Variants in DCC observed in about 807,000 individuals in gnomAD.
The protein encoded by DCC is netrin receptor DCC.
DCC carries 58 observed loss-of-function variants against 172.5 expected under a neutral mutation model. The observed-to-expected ratio is 0.34, with a 90% CI of 0.27 to 0.42. The LOEUF (loss-of-function observed/expected upper bound fraction) is 0.42, where lower values mean the gene tolerates loss of function less well. Ranked by LOEUF, DCC falls within the 10% of genes least tolerant of loss-of-function variation. The probability of loss-of-function intolerance (pLI) is 1.00; values close to 1 mark genes in which losing one functional copy is unlikely to be tolerated. For missense variants in DCC, 1,740 were observed against 1,791.0 expected (o/e 0.97, Z 0.51); for synonymous variants, 709 against 644.5 (o/e 1.10, Z -1.52).
Position 53,535,580 on chromosome 18 carries a change from AT to A in DCC, c.*4933del, listed in dbSNP as rs981430760. ...TTAACTAGCCTTAGTGAGAAAAGAA[AT>A]TTTTTGTTGTTACAAAACACCTTTT... On this transcript the variant is annotated 3_prime_UTR_variant, in exon 29 of 29. Transcript: ENST00000442544. 13 of 152,216 alleles carry A rather than the reference AT, an allele frequency of 8.5e-5. No homozygotes were observed. The highest frequency in any genetic ancestry group is 5.9e-4 in the Admixed American group (9 of 15,288). The allele number at this position is 152,216 out of a possible 1,614,324, so 9.4% of individuals were successfully genotyped here.
At chr18:52,475,309 A>T (rs1989061703) in intron 1 of DCC, among the ~76,000 whole-genome samples, 1 of 152,202 alleles carries the variant, frequency 6.6e-6, no homozygotes, top group South Asian at 2.1e-4. Context: ...TATGAAAATA[A>T]CTACTTGTAA....
intron 13 of DCC, among the ~76,000 whole-genome samples, chr18:53,308,854 C>T (rs999068439): frequency 6.6e-6 from 1 of 151,844 alleles, no homozygotes; most frequent in African/African-American, 2.4e-5. Context: ...AGAAGTCTGA[C>T]ATTAAGGTGT....
chr18:52,854,605 G>A (rs548244109), intron 2 of DCC, among the ~76,000 whole-genome samples: 1 of 152,262 alleles, frequency 6.6e-6, no homozygotes, highest in South Asian at 2.1e-4. Flanking sequence ...TGATTTACTT[G>A]CTAGACTCAC....
chr18:52,882,183 T>A (rs899907723), intron 2 of DCC, among the ~76,000 whole-genome samples: 24 of 152,134 alleles, frequency 1.6e-4, no homozygotes, highest in African/African-American at 5.8e-4. Context: ...GTTCTAATAG[T>A]TGTTTTAGGG....
chr18:53,136,308 C>T (rs1489685537), intron 7 of DCC, among the ~76,000 whole-genome samples: 1 of 151,724 alleles, frequency 6.6e-6, no homozygotes, highest in African/African-American at 2.4e-5. Flanking sequence ...GGAATATACT[C>T]CCTGTAACAT....
At chr18:52,738,379 A>G (rs1416018229) in intron 1 of DCC, among the ~76,000 whole-genome samples, 2 of 152,080 alleles carry the variant, frequency 1.3e-5, no homozygotes, top group African/African-American at 4.8e-5. Context: ...TAAACTACAA[A>G]CCTGTACAGC....
At chr18:53,406,776 T>G (rs957190995) in intron 19 of DCC, among the ~76,000 whole-genome samples, 19 of 151,778 alleles carry the variant, frequency 1.3e-4, no homozygotes, top group Admixed American at 9.2e-4. Flanking sequence ...ACCAGTACAT[T>G]TGTTCAACCT....
intron 12 of DCC, among the ~76,000 whole-genome samples, chr18:53,258,562 C>T (rs926433669): frequency 1.3e-5 from 2 of 152,106 alleles, no homozygotes; most frequent in Non-Finnish European, 2.9e-5. Context: ...TTTGATTGCA[C>T]TGTGGTCTGA....
chr18:53,031,245 C>G (rs1489652872), intron 5 of DCC, among the ~76,000 whole-genome samples: 1 of 152,106 alleles, frequency 6.6e-6, no homozygotes, highest in African/African-American at 2.4e-5. Context: ...GGCAACAGAG[C>G]AAAACTCTCT....
intron 7 of DCC, among the ~76,000 whole-genome samples, chr18:53,085,188 T>C (rs931029481): frequency 2.6e-5 from 4 of 152,162 alleles, no homozygotes; most frequent in African/African-American, 4.8e-5. Flanking sequence ...GGACAAGAGA[T>C]TGTGCATTCA....
At chr18:53,240,042 A>AC (rs200140017) in intron 12 of DCC, among the ~76,000 whole-genome samples, 39,046 of 139,106 alleles carry the variant, frequency 0.28, 6,456 homozygotes, top group South Asian at 0.52. Flanking sequence ...AAAAAAAAAA[A>AC]AAAAAAAACA....
rs146546561 is a variant in DCC, at chr18:53,331,984, A to C, written c.2165-7729A>C. Among the ~76,000 whole-genome samples, 8 of 152,286 alleles carry C rather than the reference A, an allele frequency of 5.3e-5. No individual in the cohort carries two copies. In the East Asian group the frequency reaches 1.4e-3, roughly 26 times the overall value. On this transcript the variant is annotated intron_variant, in intron 14 of 28. Transcript: ENST00000442544. ...CAAAGGCAAGTGTACAAAGGTGCAG[A>C]GAGGATGTGGATTCTGGTGAATTAT...
At chr18:53,338,995 G>A (rs2057623278) in intron 14 of DCC, among the ~76,000 whole-genome samples, 1 of 152,150 alleles carries the variant, frequency 6.6e-6, no homozygotes, top group Non-Finnish European at 1.5e-5. Flanking sequence ...CCGAGCTCAA[G>A]CTTTGAGTCA....
At chr18:53,297,102 G>A (rs1384971568) in intron 12 of DCC, among the ~76,000 whole-genome samples, 1 of 151,498 alleles carries the variant, frequency 6.6e-6, no homozygotes, top group East Asian at 1.9e-4. Flanking sequence ...TGGCTTCTGA[G>A]AAAAATTGGA....
At chr18:53,255,420 G>A (rs144560840) in intron 12 of DCC, among the ~76,000 whole-genome samples, 7,050 of 132,474 alleles carry the variant, frequency 0.053, 602 homozygotes, top group African/African-American at 0.19. Flanking sequence ...CTGTGTCCAT[G>A]TGTCCTCATT....
At chr18:52,536,484 A>T (rs992801527) in intron 1 of DCC, among the ~76,000 whole-genome samples, 6 of 152,292 alleles carry the variant, frequency 3.9e-5, no homozygotes, top group African/African-American at 1.4e-4. Flanking sequence ...CCAAACTGGG[A>T]GCAAGACACA....
intron 1 of DCC, among the ~76,000 whole-genome samples, chr18:52,689,018 C>G: frequency 6.6e-6 from 1 of 152,040 alleles, no homozygotes; most frequent in East Asian, 1.9e-4. Context: ...CTTTAGGCAC[C>G]TAGAATATTA....
At chr18:52,727,882 GTAT>G (rs1399320701) in intron 1 of DCC, among the ~76,000 whole-genome samples, 2 of 152,170 alleles carry the variant, frequency 1.3e-5, no homozygotes, top group African/African-American at 4.8e-5. Context: ...CCAGAACAAT[GTAT>G]TCATAATCCA....
intron 23 of DCC, among the ~76,000 whole-genome samples, chr18:53,454,696 A>C (rs1568142719): frequency 6.6e-6 from 1 of 152,230 alleles, no homozygotes; most frequent in East Asian, 1.9e-4. Context: ...ATTAGTATGC[A>C]TTCAAATCTT....
Sources: allele counts gnomAD v4.1 joint callset (sites outside exome capture counted in the v4.1 genomes callset), GRCh38; gene constraint gnomAD v4.1.1; transcripts MANE v1.5; gene names NCBI Gene and HGNC (gene_info 2026-07-23, HGNC 2026-07-21).